The following PFKFB2 variants were observed in gnomAD, a reference collection of about 807,000 sequenced individuals.
PFKFB2 encodes 6-phosphofructo-2-kinase/fructose-2,6-biphosphatase 2.
Under a neutral mutation model 68.0 loss-of-function variants are expected in PFKFB2, and 53 were observed. The observed-to-expected ratio is 0.78, with a 90% CI of 0.63 to 0.98. The LOEUF (loss-of-function observed/expected upper bound fraction) is 0.98, where lower values mean the gene tolerates loss of function less well. PFKFB2 is among the 50% of genes least tolerant of loss of function. The probability of loss-of-function intolerance (pLI) is 0.00; values close to 1 mark genes in which losing one functional copy is unlikely to be tolerated. For synonymous variants in PFKFB2, 222 were observed against 227.6 expected (o/e 0.98, Z 0.22); for missense variants, 451 against 642.0 (o/e 0.70, Z 3.22).
chr1:207,069,335 G>A, intron 10 of PFKFB2, 89 bp from the exon 11 acceptor site: 3 of 873,698 alleles, frequency 3.4e-6, no homozygotes, highest in South Asian at 1.4e-5. Flanking sequence ...TAAGAAACTA[G>A]CATTCTTCAA....
At chr1:207,046,896 G>A (rs1028495876) in intron 2 of PFKFB2, 3 of 152,012 alleles carry the variant, frequency 2.0e-5, no homozygotes, top group Admixed American at 6.5e-5. Flanking sequence ...AATATTTGTT[G>A]CACGAATAAA....
In PFKFB2 at chr1:207,070,527, C is replaced by G; in HGVS notation, c.1222+118C>G. 8.8e-7 allele frequency: 1 copy of G among 1,138,230 alleles called. No individual in the cohort carries two copies. The allele number at this position is 1,138,230 out of a possible 1,614,324, so 70.5% of individuals were successfully genotyped here. A position where few individuals can be genotyped will look rare whatever the true frequency, so the allele number is the denominator to read the frequency against. On this transcript the variant is annotated intron_variant, in intron 12 of 14. Coordinates refer to ENST00000367080, the MANE Select transcript of PFKFB2 (RefSeq NM_006212.2). This position sits in a 1 kb window ranked among gnomAD's most constrained non-coding sequence, Gnocchi z 4.2. ...CTCCACTCAAATTAGAGTACTTTCT[C>G]CAGACAGCAGTGTGGGGCTCCCAGC...
At chr1:207,069,028 A>AG (rs201001884) in intron 10 of PFKFB2, among the ~76,000 whole-genome samples, 1,693 of 152,288 alleles carry the variant, frequency 0.011, 16 homozygotes, top group Non-Finnish European at 0.015. Context: ...TACAGGCATG[A>AG]GCCACCGTGC....
intron 2 of PFKFB2, chr1:207,044,141 T>C (rs138501759): frequency 1.3e-5 from 2 of 152,600 alleles, no homozygotes; most frequent in East Asian, 3.9e-4. Context: ...AGTCATATTC[T>C]AAAGCTCTAA....
intron 1 of PFKFB2, among the ~76,000 whole-genome samples, chr1:207,041,230 A>ATT (rs750591427): frequency 4.9e-5 from 7 of 142,066 alleles, no homozygotes; most frequent in African/African-American, 1.8e-4. Flanking sequence ...GCCTGGCCAG[A>ATT]TTTTTTTTTT....
chr1:207,072,033 T>C (rs1315939016), intron 14 of PFKFB2, among the ~76,000 whole-genome samples, 171 bp from the exon 15 acceptor site: 1 of 152,218 alleles, frequency 6.6e-6, no homozygotes, highest in Non-Finnish European at 1.5e-5. Context: ...TTCTCCCTTT[T>C]AGCCCCCTGA....
At chr1:207,069,612 T>G (rs1025600107) in intron 11 of PFKFB2, 84 bp downstream of exon 11, 4 of 915,572 alleles carry the variant, frequency 4.4e-6, no homozygotes, top group Non-Finnish European at 7.1e-6. Flanking sequence ...TTGAATGTGA[T>G]TTGGAGGGTC....
intron 3 of PFKFB2, 71 bp downstream of exon 3, chr1:207,062,149 T>C (rs918604728): frequency 6.2e-7 from 1 of 1,601,138 alleles, no homozygotes; most frequent in Admixed American, 1.7e-5. Flanking sequence ...GGGAGACTTA[T>C]TCTTCCTGGC....
At chr1:207,047,923 G>A (rs1682637187) in intron 2 of PFKFB2, 1 of 152,174 alleles carries the variant, frequency 6.6e-6, no homozygotes, top group South Asian at 2.1e-4. Flanking sequence ...TAACTTTAGT[G>A]GAGGGATAAG....
chr1:207,075,109 T>A lies in PFKFB2; in HGVS notation c.*2738T>A, dbSNP rs78603860. The stretch of plus-strand genomic sequence containing the variant: ...AGCACTTTGATCCACAGACTTTGGA[T>A]TAACACTGTACCCACTCTTAGCAAA... On this transcript the variant is annotated 3_prime_UTR_variant, in exon 15 of 15. Transcript: ENST00000367080. 2.2e-4 allele frequency: 218 copies of A among 985,466 alleles called. No homozygotes were observed. In the Admixed American group the frequency reaches 2.7e-3, roughly 12 times the overall value. The allele number at this position is 985,466 out of a possible 1,614,324, so 61.0% of individuals were successfully genotyped here. A position where few individuals can be genotyped will look rare whatever the true frequency, so the allele number is the denominator to read the frequency against.
intron 1 of PFKFB2, among the ~76,000 whole-genome samples, chr1:207,039,715 C>A (rs1305735358): frequency 6.6e-6 from 1 of 152,178 alleles, no homozygotes; most frequent in African/African-American, 2.4e-5. Context: ...AGGACTTCCA[C>A]TTCCAGGAAT....
chr1:207,040,881 C>G (rs1682462769), intron 1 of PFKFB2, among the ~76,000 whole-genome samples: 1 of 150,476 alleles, frequency 6.6e-6, no homozygotes, highest in South Asian at 2.1e-4. Context: ...CAGAAAAAAA[C>G]TACGTTTTAC....
Position 207,070,854 on chromosome 1 carries a change from G to T in PFKFB2, c.1223-334G>T. ...CTGGGAAGCCTGCATTGTGGATGCT[G>T]AGCTCAGCATCCTGAGCTGCTTGGA... On this transcript the variant is annotated intron_variant, in intron 12 of 14. Coordinates refer to ENST00000367080, the MANE Select transcript of PFKFB2 (RefSeq NM_006212.2). The surrounding 1 kb of genome is among the most constrained non-coding windows in gnomAD (Gnocchi z 4.2). The T allele has an allele frequency of 3.4e-6, 1 of 296,118 alleles. No individual in the cohort carries two copies. Among genetic ancestry groups the T allele is most frequent in the Non-Finnish European group, 6.4e-6 (1 of 156,050 alleles). 18.3% of individuals were successfully genotyped at this position (296,118 alleles called of 1,614,324 possible).
At chr1:207,051,164 C>T, upstream of PFKFB2, 4 of 1,413,216 alleles carry the variant, frequency 2.8e-6, no homozygotes, top group Admixed American at 1.2e-4. Flanking sequence ...ATGTAAACCT[C>T]CGTATTCCTA....
intron 1 of PFKFB2, among the ~76,000 whole-genome samples, chr1:207,036,316 C>T (rs2102312275): frequency 6.6e-6 from 1 of 152,338 alleles, no homozygotes; most frequent in African/African-American, 2.4e-5. Flanking sequence ...GTTGACTCCA[C>T]ATGTCAGCAT....
intron 14 of PFKFB2, among the ~76,000 whole-genome samples, chr1:207,071,810 G>A (rs1683473229): frequency 6.6e-6 from 1 of 152,054 alleles, no homozygotes; most frequent in South Asian, 2.1e-4. Context: ...AATTAAATAT[G>A]GAAAGTGTTT....
At chr1:207,040,834 ACT>A (rs1248069207) in intron 1 of PFKFB2, among the ~76,000 whole-genome samples, 2 of 151,486 alleles carry the variant, frequency 1.3e-5, no homozygotes, top group African/African-American at 4.9e-5. Context: ...AGCACAAGCC[ACT>A]CTTTTTCTAA....
At chr1:207,050,749 A>T (rs778428306), upstream of PFKFB2, 16 of 1,613,356 alleles carry the variant, frequency 9.9e-6, no homozygotes, top group South Asian at 6.6e-5. Flanking sequence ...GGCACTCGGG[A>T]GGGTATCCGA....
At chr1:207,056,639 C>CT (rs1376318831) in intron 2 of PFKFB2, among the ~76,000 whole-genome samples, 1 of 151,930 alleles carries the variant, frequency 6.6e-6, no homozygotes, top group Non-Finnish European at 1.5e-5. Flanking sequence ...CTTCTAGACT[C>CT]TAATTCCTGC....
Sources: allele counts gnomAD v4.1 joint callset (sites outside exome capture counted in the v4.1 genomes callset), GRCh38; gene constraint gnomAD v4.1.1; non-coding constraint Gnocchi (gnomAD v3.1); transcripts MANE v1.5; gene names NCBI Gene and HGNC (gene_info 2026-07-23, HGNC 2026-07-21).